The following GRM3 variants were observed in gnomAD, a reference collection of about 807,000 sequenced individuals.
GRM3 encodes metabotropic glutamate receptor 3.
Under a neutral mutation model 70.5 loss-of-function variants are expected in GRM3, and 26 were observed. That is an observed-to-expected ratio of 0.37 (90% CI 0.27 to 0.51). GRM3 has a LOEUF of 0.51. Ranked by LOEUF, GRM3 falls within the 20% of genes least tolerant of loss-of-function variation. The pLI, the probability that GRM3 is intolerant of heterozygous loss-of-function variation, is 0.93. For missense variants in GRM3, 859 were observed against 1,123.8 expected (o/e 0.76, Z 3.37); for synonymous variants, 443 against 434.9 (o/e 1.02, Z -0.23).
chr7:86,841,149 C>T (rs546280740), intron 4 of GRM3, among the ~76,000 whole-genome samples: 9 of 151,936 alleles, frequency 5.9e-5, no homozygotes, highest in South Asian at 2.1e-4. Flanking sequence ...TTGTTCTTTG[C>T]GAATTAAAAT....
chr7:86,663,438 A>G (rs1197080085), intron 1 of GRM3, among the ~76,000 whole-genome samples: 1 of 152,038 alleles, frequency 6.6e-6, no homozygotes, highest in Admixed American at 6.6e-5. Flanking sequence ...GGAAGTTGCT[A>G]TGGAGTAAGG....
intron 3 of GRM3, among the ~76,000 whole-genome samples, chr7:86,804,217 G>A (rs1797740411): frequency 6.6e-6 from 1 of 152,092 alleles, no homozygotes; most frequent in South Asian, 2.1e-4. Context: ...GGAGATTCTT[G>A]AGAGAATATT....
chr7:86,646,030 G>T (rs1793464258), intron 1 of GRM3, among the ~76,000 whole-genome samples: 1 of 140,214 alleles, frequency 7.1e-6, no homozygotes, highest in African/African-American at 2.7e-5. Context: ...AGGGAGTTTA[G>T]GGGGTGGAGT....
chr7:86,657,294 G>A (rs1793771777), intron 1 of GRM3, among the ~76,000 whole-genome samples: 3 of 152,188 alleles, frequency 2.0e-5, no homozygotes, highest in African/African-American at 7.2e-5. Flanking sequence ...GATGAGATAT[G>A]TGCATGTGTA....
intron 4 of GRM3, among the ~76,000 whole-genome samples, chr7:86,840,418 A>G (rs1798537813): frequency 6.6e-6 from 1 of 152,176 alleles, no homozygotes; most frequent in African/African-American, 2.4e-5. Flanking sequence ...AGATTAAAAT[A>G]CAATGTTAAT....
At position 86,838,911 on chromosome 7, in the gene GRM3, A is replaced by G. The variant is rs1488319403; in HGVS notation, c.1397A>G (p.Tyr466Cys). Reference protein sequence around the residue: ...FDTFGDGMGRYNVFNFQNVGG... With the variant: ...FDTFGDGMGRCNVFNFQNVGG... ...ACTTTTGGAGATGGAATGGGGCGAT[A>G]CAACGTGTTCAATTTCCAAAATGTA... The change falls in exon 4 of 6, where the codon TAC (tyrosine) becomes TGC (cysteine). Residue 466 changes from tyrosine to cysteine, a missense_variant. Transcript: ENST00000361669. 6.2e-7 allele frequency: 1 copy of G among 1,613,758 alleles called. No homozygotes were observed. The highest frequency in any genetic ancestry group is 8.5e-7 in the Non-Finnish European group (1 of 1,179,706).
At chr7:86,679,965 T>C (rs1794404218) in intron 1 of GRM3, among the ~76,000 whole-genome samples, 1 of 152,166 alleles carries the variant, frequency 6.6e-6, no homozygotes, top group South Asian at 2.1e-4. Flanking sequence ...CAATATTCTT[T>C]AGGAAATTCT....
At chr7:86,712,691 G>A (rs1469173346) in intron 1 of GRM3, among the ~76,000 whole-genome samples, 1 of 151,910 alleles carries the variant, frequency 6.6e-6, no homozygotes, top group African/African-American at 2.4e-5. Flanking sequence ...ATCTTCAGGA[G>A]ATCCACTTTC....
intron 4 of GRM3, 148 bp downstream of exon 4, chr7:86,840,053 A>G (rs1200006319): frequency 3.3e-6 from 2 of 611,968 alleles, no homozygotes; most frequent in Non-Finnish European, 2.9e-6. Flanking sequence ...TGTTAAAATT[A>G]ATTATGTATG....
rs1798800306 is a variant in GRM3, at chr7:86,853,951, G to T, written c.2566+3407G>T. Among the ~76,000 whole-genome samples the T allele has an allele frequency of 2.6e-5, 4 of 152,074 alleles. 1 individual carries two copies. In the South Asian group the frequency reaches 8.3e-4, roughly 32 times the overall value. Reference sequence around the variant, plus strand: ...GCATCTTGGCAGGAAGCCTGTCCATGTTGGCTCCTAATGAGCAAGTTCCAT... The same window carrying T: ...GCATCTTGGCAGGAAGCCTGTCCATTTTGGCTCCTAATGAGCAAGTTCCAT... On this transcript the variant is annotated intron_variant, in intron 5 of 5. Coordinates refer to ENST00000361669, the MANE Select transcript of GRM3 (RefSeq NM_000840.3).
intron 1 of GRM3, among the ~76,000 whole-genome samples, chr7:86,704,603 A>G (rs1376445399): frequency 2.0e-5 from 3 of 151,874 alleles, no homozygotes; most frequent in Non-Finnish European, 4.4e-5. Context: ...TTCAACTTTA[A>G]TCGGCTCAAT....
In GRM3 at chr7:86,735,031, G is replaced by A. The variant is rs189665167; in HGVS notation, c.-140-29975G>A. 5.0e-4 allele frequency among the ~76,000 whole-genome samples: 76 copies of A among 152,306 alleles called. No individual in the cohort carries two copies. In the East Asian group the frequency reaches 9.1e-3, roughly 18 times the overall value. On this transcript the variant is annotated intron_variant, in intron 1 of 5. Coordinates refer to ENST00000361669, the MANE Select transcript of GRM3 (RefSeq NM_000840.3). ...AATGGTTGGAAGGAAGGCAATAAAT[G>A]GAGCAAGGAGAATAGTCTTTATTTG...
chr7:86,821,979 T>A (rs1463176795), intron 3 of GRM3, among the ~76,000 whole-genome samples: 1 of 151,830 alleles, frequency 6.6e-6, no homozygotes, highest in Non-Finnish European at 1.5e-5. Context: ...GTATAAAACA[T>A]TGTTCAAAGA....
Position 86,644,192 on chromosome 7 carries a change from C to A in GRM3, c.-821C>A. On this transcript the variant is annotated 5_prime_UTR_variant, in exon 1 of 6. The change creates a premature stop within an existing upstream ORF in the 5' untranslated region. Transcript: ENST00000361669. ...CTTTGCATGCACTGCCTAAGGATTT[C>A]AGAGTGAGGCAAAGCAGTCGGCAAA... The A allele has an allele frequency of 5.8e-6, 1 of 172,386 alleles. No individual in the cohort carries two copies. Among genetic ancestry groups the A allele is most frequent in the Non-Finnish European group, 1.3e-5 (1 of 79,966 alleles). The allele number at this position is 172,386 out of a possible 1,614,324, so 10.7% of individuals were successfully genotyped here. A position where few individuals can be genotyped will look rare whatever the true frequency, so the allele number is the denominator to read the frequency against.
At chr7:86,848,595 T>G (rs1798701060) in intron 4 of GRM3, among the ~76,000 whole-genome samples, 1 of 152,114 alleles carries the variant, frequency 6.6e-6, no homozygotes. Flanking sequence ...ATTCCCATTC[T>G]CAGGGCATCC....
Position 86,796,168 on chromosome 7 carries a change from T to A in GRM3, c.1324+9052T>A, listed in dbSNP as rs575269409. 8.5e-5 allele frequency among the ~76,000 whole-genome samples: 13 copies of A among 152,304 alleles called. 2 individuals carry two copies. The highest frequency in any genetic ancestry group is 2.9e-4 in the African/African-American group (12 of 41,568). On this transcript the variant is annotated intron_variant, in intron 3 of 5. Coordinates refer to ENST00000361669, the MANE Select transcript of GRM3 (RefSeq NM_000840.3). Reference sequence around the variant, plus strand: ...TATGTCCTGAATTGTATTACCTAGTTTTTCTTATAGGGTTTTTATAGTTTT... The same window carrying A: ...TATGTCCTGAATTGTATTACCTAGTATTTCTTATAGGGTTTTTATAGTTTT...
intron 1 of GRM3, among the ~76,000 whole-genome samples, chr7:86,714,001 GGACTTATCT>G (rs768327974): frequency 2.0e-5 from 3 of 151,866 alleles, no homozygotes; most frequent in Non-Finnish European, 4.4e-5. Flanking sequence ...GGAGACAGGA[GGACTTATCT>G]GACAGACAAC....
intron 1 of GRM3, among the ~76,000 whole-genome samples, chr7:86,757,799 A>C (rs1796383841): frequency 6.6e-6 from 1 of 152,096 alleles, no homozygotes; most frequent in Non-Finnish European, 1.5e-5. Flanking sequence ...GTCAAAGATC[A>C]TAGTTTGCTT....
intron 1 of GRM3, among the ~76,000 whole-genome samples, chr7:86,703,105 G>GT (rs887964125): frequency 1.1e-4 from 16 of 151,594 alleles, no homozygotes; most frequent in South Asian, 2.1e-4. Context: ...ATATGTTGGG[G>GT]TTTTTTTTCC....
Sources: allele counts gnomAD v4.1 joint callset (sites outside exome capture counted in the v4.1 genomes callset), GRCh38; gene constraint gnomAD v4.1.1; transcripts MANE v1.5; gene names NCBI Gene and HGNC (gene_info 2026-07-23, HGNC 2026-07-21).